Variants in NRG3 observed in about 807,000 individuals in gnomAD.
NRG3 encodes pro-neuregulin-3, membrane-bound isoform.
A neutral mutation model predicts 66.9 loss-of-function variants in NRG3; 31 were observed. That is an observed-to-expected ratio of 0.46 (90% CI 0.35 to 0.63). The LOEUF is 0.63. Ranked by LOEUF, NRG3 falls within the 20% of genes least tolerant of loss-of-function variation. The probability of loss-of-function intolerance (pLI) is 0.00; values close to 1 mark genes in which losing one functional copy is unlikely to be tolerated. For synonymous variants in NRG3, 393 were observed against 359.4 expected (o/e 1.09, Z -1.06); for missense variants, 910 against 878.9 (o/e 1.04, Z -0.45).
chr10:82,114,079 A>C (rs2067550090), intron 1 of NRG3, among the ~76,000 whole-genome samples: 1 of 152,160 alleles, frequency 6.6e-6, no homozygotes, highest in African/African-American at 2.4e-5. Context: ...GGAATTCTGT[A>C]ATATGTGGTC....
intron 1 of NRG3, among the ~76,000 whole-genome samples, chr10:82,053,452 GAAGTAACTCC>G (rs2063693790): frequency 6.6e-6 from 1 of 152,164 alleles, no homozygotes; most frequent in East Asian, 1.9e-4. Flanking sequence ...GACTGAGGAA[GAAGTAACTCC>G]TCCTTACACA....
At chr10:81,985,454 A>G (rs990442410) in intron 1 of NRG3, among the ~76,000 whole-genome samples, 1 of 152,160 alleles carries the variant, frequency 6.6e-6, no homozygotes, top group African/African-American at 2.4e-5. Flanking sequence ...ATTCTCACCA[A>G]TTTCAAATCT....
chr10:82,838,947 A>G (rs1350183645), intron 3 of NRG3, among the ~76,000 whole-genome samples: 2 of 152,124 alleles, frequency 1.3e-5, no homozygotes, highest in Non-Finnish European at 2.9e-5. Flanking sequence ...GAGAGGATGA[A>G]AACCAAGCGA....
intron 1 of NRG3, among the ~76,000 whole-genome samples, chr10:82,255,099 G>A (rs1232694820): frequency 6.6e-6 from 1 of 152,182 alleles, no homozygotes; most frequent in Non-Finnish European, 1.5e-5. Flanking sequence ...CTGATATTAT[G>A]TACCTTTGAT....
intron 1 of NRG3, among the ~76,000 whole-genome samples, chr10:82,074,337 A>G (rs1406258506): frequency 3.3e-5 from 5 of 152,190 alleles, no homozygotes; most frequent in Non-Finnish European, 7.3e-5. Flanking sequence ...CTGGTAGGAA[A>G]TACCAGTGGA....
At chr10:82,051,439 T>A (rs968360977) in intron 1 of NRG3, among the ~76,000 whole-genome samples, 2 of 152,128 alleles carry the variant, frequency 1.3e-5, no homozygotes, top group African/African-American at 2.4e-5. Flanking sequence ...TACTTGCCCA[T>A]CACTGCTCCT....
chr10:82,792,676 T>TTTTA (rs975568055), intron 3 of NRG3, among the ~76,000 whole-genome samples: 1 of 151,940 alleles, frequency 6.6e-6, no homozygotes. Flanking sequence ...AATTGAGGGT[T>TTTTA]TTTATTTATT....
intron 2 of NRG3, among the ~76,000 whole-genome samples, chr10:82,690,787 A>C (rs1302408183): frequency 1.3e-5 from 2 of 152,050 alleles, no homozygotes; most frequent in African/African-American, 4.8e-5. Context: ...GTATTTCTTC[A>C]GTTCCTTCAG....
chr10:82,193,362 T>C (rs1164494158), intron 1 of NRG3, among the ~76,000 whole-genome samples: 2 of 152,118 alleles, frequency 1.3e-5, no homozygotes, highest in African/African-American at 4.8e-5. Flanking sequence ...AAGCTGGTCT[T>C]GAACTCCTGA....
intron 1 of NRG3, among the ~76,000 whole-genome samples, chr10:82,075,594 T>G (rs575786169): frequency 6.6e-6 from 1 of 152,256 alleles, no homozygotes; most frequent in Non-Finnish European, 1.5e-5. Context: ...AATGGAAGGA[T>G]AGTATATGAA....
At chr10:82,134,326 T>G (rs2069160648) in intron 1 of NRG3, among the ~76,000 whole-genome samples, 1 of 152,128 alleles carries the variant, frequency 6.6e-6, no homozygotes, top group South Asian at 2.1e-4. Context: ...GTCATGAAAT[T>G]TTTGCTTTTT....
chr10:82,713,119 C>CAAAAAAA (rs369968319), intron 2 of NRG3, among the ~76,000 whole-genome samples: 9 of 55,354 alleles, frequency 1.6e-4, no homozygotes, highest in South Asian at 1.1e-3. Context: ...GACTTCATCT[C>CAAAAAAA]AAAAAAAAAA....
chr10:82,359,003 CTT>C, intron 2 of NRG3, 135 bp downstream of exon 2: 1 of 1,267,356 alleles, frequency 7.9e-7, no homozygotes, highest in East Asian at 2.5e-5. Flanking sequence ...AATTGCGAGT[CTT>C]AATTTGGAAA....
rs111349865 is a variant in NRG3, at chr10:82,557,427, G to A, written c.954-181150G>A. Among the ~76,000 whole-genome samples the A allele has an allele frequency of 4.0e-3, 605 of 152,112 alleles. 6 individuals are homozygous for A. The highest frequency in any genetic ancestry group is 0.014 in the African/African-American group (587 of 41,524). On this transcript the variant is annotated intron_variant, in intron 2 of 8. Transcript: ENST00000372141. ...TTTTTCATATGCTTATTGGCTGCAT[G>A]TATGTCTTTTTTTGAGAAGTGTCTT...
At chr10:81,966,705 C>T (rs2059743087) in intron 1 of NRG3, among the ~76,000 whole-genome samples, 1 of 152,074 alleles carries the variant, frequency 6.6e-6, no homozygotes, top group South Asian at 2.1e-4. Context: ...GGCTTGATTT[C>T]TTCAAGTCAT....
chr10:82,703,215 A>G (rs950810846), intron 2 of NRG3, among the ~76,000 whole-genome samples: 1 of 152,170 alleles, frequency 6.6e-6, no homozygotes, highest in African/African-American at 2.4e-5. Flanking sequence ...AATTAGTTGT[A>G]TGAGATATTT....
chr10:82,730,004 T>C (rs1405473219), intron 2 of NRG3, among the ~76,000 whole-genome samples: 1 of 152,200 alleles, frequency 6.6e-6, no homozygotes. Flanking sequence ...ATAGCAATTT[T>C]ATGATGAATT....
intron 1 of NRG3, among the ~76,000 whole-genome samples, chr10:82,336,425 A>G (rs1043718267): frequency 6.6e-6 from 1 of 152,146 alleles, no homozygotes; most frequent in Non-Finnish European, 1.5e-5. Flanking sequence ...TTTCTAGCCT[A>G]CTATCTGTGC....
intron 1 of NRG3, among the ~76,000 whole-genome samples, chr10:82,085,219 A>G (rs571378712): frequency 6.6e-6 from 1 of 152,200 alleles, no homozygotes; most frequent in South Asian, 2.1e-4. Flanking sequence ...TTTGGAAAAT[A>G]CATGCTTTAC....
Sources: allele counts gnomAD v4.1 joint callset (sites outside exome capture counted in the v4.1 genomes callset), GRCh38; gene constraint gnomAD v4.1.1; transcripts MANE v1.5; gene names NCBI Gene and HGNC (gene_info 2026-07-23, HGNC 2026-07-21).